The following HIPK2 variants were observed in gnomAD, a reference collection of about 807,000 sequenced individuals.
The protein encoded by HIPK2 is homeodomain interacting protein kinase 2.
In HIPK2, 27 loss-of-function variants were observed where a neutral mutation model predicts 113.7. The observed-to-expected ratio is 0.24, with a 90% CI of 0.17 to 0.33. The LOEUF (loss-of-function observed/expected upper bound fraction) is 0.33. HIPK2 is among the 10% of genes least tolerant of loss of function. The pLI, the probability that HIPK2 is intolerant of heterozygous loss-of-function variation, is 1.00. For missense variants in HIPK2, 1,257 were observed against 1,588.0 expected (o/e 0.79, Z 3.54); for synonymous variants, 631 against 642.2 (o/e 0.98, Z 0.26).
At chr7:139,732,339 C>G (rs1383005227) in intron 1 of HIPK2, among the ~76,000 whole-genome samples, 1 of 152,196 alleles carries the variant, frequency 6.6e-6, no homozygotes, top group Non-Finnish European at 1.5e-5. Flanking sequence ...TCACTGTCAT[C>G]AAGCCAGTCC....
At chr7:139,742,715 T>C (rs1796123863) in intron 1 of HIPK2, among the ~76,000 whole-genome samples, 1 of 152,200 alleles carries the variant, frequency 6.6e-6, no homozygotes, top group Non-Finnish European at 1.5e-5. Context: ...GGTAGGGGCA[T>C]GCCAGAATGT....
intron 1 of HIPK2, among the ~76,000 whole-genome samples, chr7:139,726,591 T>C (rs62491704): frequency 6.6e-6 from 1 of 152,190 alleles, no homozygotes; most frequent in Non-Finnish European, 1.5e-5. Context: ...ACTGAAACTC[T>C]GAGGCAAGAA....
chr7:139,633,393 C>G (rs1800690359), intron 2 of HIPK2, among the ~76,000 whole-genome samples: 2 of 152,088 alleles, frequency 1.3e-5, no homozygotes, highest in African/African-American at 2.4e-5. Context: ...TGAAAAAGTA[C>G]CTCCTCTTCC....
chr7:139,773,444 C>T (rs10261757), intron 1 of HIPK2, among the ~76,000 whole-genome samples: 15,562 of 152,140 alleles, frequency 0.1, 2,624 homozygotes, highest in African/African-American at 0.36. Flanking sequence ...CCGTCTTTGA[C>T]ACCAACCCAA....
intron 12 of HIPK2, among the ~76,000 whole-genome samples, chr7:139,587,163 T>C (rs954819197): frequency 1.3e-5 from 2 of 152,144 alleles, no homozygotes; most frequent in African/African-American, 2.4e-5. Flanking sequence ...GGGTGAACTA[T>C]ACAGTACAGT....
At chr7:139,650,406 A>G (rs73156869) in intron 2 of HIPK2, among the ~76,000 whole-genome samples, 8,977 of 151,230 alleles carry the variant, frequency 0.059, 388 homozygotes, top group African/African-American at 0.12. Context: ...GGGGAACACA[A>G]TAGTAAGTGG....
chr7:139,571,252 C>A lies in HIPK2; in HGVS notation c.*1675G>T. The A allele has an allele frequency of 6.6e-6, 1 of 152,448 alleles. No homozygotes were observed. Among genetic ancestry groups the A allele is most frequent in the Non-Finnish European group, 1.5e-5 (1 of 68,110 alleles). The allele number at this position is 152,448 out of a possible 1,614,324, so 9.4% of individuals were successfully genotyped here. A position where few individuals can be genotyped will look rare whatever the true frequency, so the allele number is the denominator to read the frequency against. Reference sequence around the variant, plus strand: ...TGGCAAGATCGTTAGAGCAAAACAGCCCAGGGAGCCGGAGGAGAGAGTGGA... The same window carrying A: ...TGGCAAGATCGTTAGAGCAAAACAGACCAGGGAGCCGGAGGAGAGAGTGGA... On this transcript the variant is annotated 3_prime_UTR_variant, in exon 15 of 15. Coordinates refer to ENST00000406875, the MANE Select transcript of HIPK2 (RefSeq NM_022740.5).
At position 139,777,665 on chromosome 7, in the gene HIPK2, A is replaced by G. The variant is rs1796806367; in HGVS notation, c.-42T>C. On this transcript the variant is annotated 5_prime_UTR_variant, in exon 1 of 15. Coordinates refer to ENST00000406875, the MANE Select transcript of HIPK2 (RefSeq NM_022740.5). ...GCGGTTCATGGCAACGGGGACGGGAAAGCGGCGCGCGAGCTCGGCCCCCCC... is the reference window on the plus strand; with the variant it reads ...GCGGTTCATGGCAACGGGGACGGGAGAGCGGCGCGCGAGCTCGGCCCCCCC... 2.8e-6 allele frequency: 3 copies of G among 1,090,484 alleles called. No homozygotes were observed. Among genetic ancestry groups the G allele is most frequent in the Non-Finnish European group, 3.3e-6 (3 of 896,526 alleles). The allele number at this position is 1,090,484 out of a possible 1,614,324, so 67.6% of individuals were successfully genotyped here. A position where few individuals can be genotyped will look rare whatever the true frequency, so the allele number is the denominator to read the frequency against.
At chr7:139,767,811 G>A (rs1485072361) in intron 1 of HIPK2, among the ~76,000 whole-genome samples, 1 of 152,254 alleles carries the variant, frequency 6.6e-6, no homozygotes, top group Non-Finnish European at 1.5e-5. Context: ...AGTTTTTGAA[G>A]CAAGGTGTCC....
At chr7:139,726,682 G>A (rs549397683) in intron 1 of HIPK2, among the ~76,000 whole-genome samples, 1 of 152,300 alleles carries the variant, frequency 6.6e-6, no homozygotes, top group South Asian at 2.1e-4. Context: ...GTTGAATTGT[G>A]AATGACGATC....
intron 1 of HIPK2, among the ~76,000 whole-genome samples, chr7:139,751,789 C>T (rs1336589447): frequency 6.6e-6 from 1 of 152,084 alleles, no homozygotes; most frequent in African/African-American, 2.4e-5. Flanking sequence ...AGAAGACACC[C>T]CAAAGATAGA....
At position 139,631,230 on chromosome 7, in the gene HIPK2, C is replaced by T. The variant is rs748435810; in HGVS notation, c.1282G>A (p.Gly428Arg). ...GLPAEYLLSA[G>R]TKTTRFFNRD... is the part of the protein sequence containing the mutation. ...TTGAAAAACCTAGTTGTCTTTGTCC[C>T]GGCGCTTAATAAATATTCAGCAGGC... Residue 428 changes from glycine (G) to arginine (R), a missense_variant, in exon 4 of 15, where the codon GGG becomes AGG. This residue lies in a region of HIPK2 where 84 missense variants were observed against 182.2 expected (regional missense o/e 0.46). Transcript: ENST00000406875. This position sits in a 1 kb window ranked among gnomAD's most constrained non-coding sequence, Gnocchi z 4.9. 1.2e-6 allele frequency: 2 copies of T among 1,613,694 alleles called. No homozygotes were observed. The highest frequency in any genetic ancestry group is 1.7e-5 in the Admixed American group (1 of 60,000).
chr7:139,667,014 G>A (rs764634503), intron 2 of HIPK2, among the ~76,000 whole-genome samples: 25 of 151,652 alleles, frequency 1.6e-4, no homozygotes, highest in Non-Finnish European at 2.7e-4. Flanking sequence ...GCAGTGAGCC[G>A]AGATTGCGCC....
chr7:139,605,731 A>T (rs1254497665), intron 9 of HIPK2, among the ~76,000 whole-genome samples: 1 of 152,206 alleles, frequency 6.6e-6, no homozygotes, highest in Admixed American at 6.5e-5. Flanking sequence ...ATATAGGCAG[A>T]AGCTCAGGGA....
intron 12 of HIPK2, among the ~76,000 whole-genome samples, chr7:139,587,215 T>C (rs1798861111): frequency 6.6e-6 from 1 of 151,818 alleles, no homozygotes; most frequent in African/African-American, 2.4e-5. Context: ...CCAGGCTGGG[T>C]GAGGTGGCTC....
intron 9 of HIPK2, among the ~76,000 whole-genome samples, chr7:139,605,235 G>GGT (rs34675356): frequency 0.22 from 31,830 of 147,520 alleles, 3,976 homozygotes; most frequent in African/African-American, 0.37. Context: ...TAGATTCACT[G>GGT]GTGTGTGTGT....
chr7:139,622,992 T>C (rs1800288093), intron 6 of HIPK2, among the ~76,000 whole-genome samples: 1 of 152,028 alleles, frequency 6.6e-6, no homozygotes, highest in South Asian at 2.1e-4. Flanking sequence ...TTTATGGGGG[T>C]GACTATCTGA....
At chr7:139,623,281 C>T (rs571731282) in intron 6 of HIPK2, among the ~76,000 whole-genome samples, 4 of 152,156 alleles carry the variant, frequency 2.6e-5, no homozygotes, top group African/African-American at 4.8e-5. Flanking sequence ...GAGGCCGAGG[C>T]GGGCAGATCA....
At chr7:139,732,862 T>TTGGTTTG (rs1795836970) in intron 1 of HIPK2, among the ~76,000 whole-genome samples, 1 of 150,766 alleles carries the variant, frequency 6.6e-6, no homozygotes, top group Non-Finnish European at 1.5e-5. Flanking sequence ...AGTGAGTCCC[T>TTGGTTTG]GATATGGTTT....
Sources: allele counts gnomAD v4.1 joint callset (sites outside exome capture counted in the v4.1 genomes callset), GRCh38; gene constraint gnomAD v4.1.1; regional missense constraint gnomAD v4.1.1; non-coding constraint Gnocchi (gnomAD v3.1); transcripts MANE v1.5; gene names NCBI Gene and HGNC (gene_info 2026-07-23, HGNC 2026-07-21).